The following MAN2B2 variants were observed in gnomAD, a reference collection of about 807,000 sequenced individuals.
The protein encoded by MAN2B2 is mannosidase alpha class 2B member 2.
Under a neutral mutation model 117.1 loss-of-function variants are expected in MAN2B2, and 106 were observed. The ratio of observed to expected loss-of-function variants is 0.90; its 90% CI spans 0.77 to 1.06. The LOEUF (loss-of-function observed/expected upper bound fraction) is 1.06. Ranked by LOEUF, MAN2B2 falls within the 50% of genes least tolerant of loss-of-function variation. The pLI is 0.00. For missense variants in MAN2B2, 1,326 were observed against 1,381.4 expected, an observed-to-expected ratio of 0.96 and a Z score of 0.64; for synonymous variants, 544 against 595.1, an observed-to-expected ratio of 0.91 and a Z score of 1.25.
chr4:6,600,887 C>A, intron 10 of MAN2B2, 131 bp downstream of exon 10: 1 of 1,160,288 alleles, frequency 8.6e-7, no homozygotes, highest in Non-Finnish European at 1.2e-6. Flanking sequence ...GAAACTGAGG[C>A]TCAGAGAAGC....
chr4:6,590,878 G>A (rs1208660346), intron 5 of MAN2B2, among the ~76,000 whole-genome samples: 1 of 150,912 alleles, frequency 6.6e-6, no homozygotes, highest in Non-Finnish European at 1.5e-5. Flanking sequence ...GCCAGGCGCA[G>A]TGGCTCACAC....
chr4:6,608,801 G>C (rs1157813234), intron 11 of MAN2B2, among the ~76,000 whole-genome samples: 1 of 152,162 alleles, frequency 6.6e-6, no homozygotes, highest in Non-Finnish European at 1.5e-5. Context: ...CACTGGTTTC[G>C]CTTGCAGACC....
intron 3 of MAN2B2, among the ~76,000 whole-genome samples, chr4:6,579,283 T>TCACCACCATCAC (rs1560634954): frequency 2.1e-4 from 2 of 9,506 alleles, no homozygotes; most frequent in Non-Finnish European, 4.2e-4. Flanking sequence ...ACCACCACCA[T>TCACCACCATCAC]CACCATCACC....
chr4:6,589,255 T>C, intron 5 of MAN2B2, 95 bp downstream of exon 5: 1 of 971,516 alleles, frequency 1.0e-6, no homozygotes, highest in Non-Finnish European at 1.6e-6. Flanking sequence ...TTTATTGGTT[T>C]TAAGACAAGA....
chr4:6,604,103 C>T (rs754277122), intron 10 of MAN2B2, among the ~76,000 whole-genome samples: 3 of 152,064 alleles, frequency 2.0e-5, no homozygotes, highest in Non-Finnish European at 4.4e-5. Flanking sequence ...GAGGGCACAG[C>T]GTGGCACAGG....
Position 6,619,970 on chromosome 4 carries a change from G to C in MAN2B2, c.2858G>C (p.Arg953Pro), listed in dbSNP as rs369218242. The stretch of plus-strand genomic sequence containing the variant: ...GGGTCCGTGGTGGCAGTGGAGGAGC[G>C]CTCGCTCACAGGGACCTGGGATTTG... ...ALGSVVAVEE[R>P]SLTGTWDLSM... Residue 953 changes from arginine (R) to proline (P), a missense_variant, in exon 18 of 19, where the codon CGC (arginine) becomes CCC (proline). Transcript: ENST00000285599. 42 of 1,613,794 alleles carry C rather than the reference G, an allele frequency of 2.6e-5. No homozygotes were observed. The highest frequency in any genetic ancestry group is 3.4e-5 in the Non-Finnish European group (40 of 1,179,982).
intron 5 of MAN2B2, among the ~76,000 whole-genome samples, chr4:6,592,873 A>G (rs1726908992): frequency 6.6e-6 from 1 of 152,084 alleles, no homozygotes; most frequent in African/African-American, 2.4e-5. Flanking sequence ...CATTTATCTC[A>G]ACTACTAAGA....
Position 6,587,059 on chromosome 4 carries a change from C to T in MAN2B2, c.455C>T (p.Pro152Leu), listed in dbSNP as rs759951115. 22 of 1,613,946 alleles carry T rather than the reference C, an allele frequency of 1.4e-5. No individual in the cohort carries two copies. Among genetic ancestry groups the T allele is most frequent in the South Asian group, 3.3e-5 (3 of 91,078 alleles). ...CCACAGTTCTCCTGGCACGTTGACC[C>T]GTTTGGCGCCTCTGCCACGACGCCC... Reference protein sequence around the residue: ...IRPQFSWHVDPFGASATTPTL... With the variant: ...IRPQFSWHVDLFGASATTPTL... Residue 152 changes from proline to leucine, a missense_variant, in exon 4 of 19, where the codon CCG becomes CTG. Coordinates refer to ENST00000285599, the MANE Select transcript of MAN2B2 (RefSeq NM_015274.3).
chr4:6,578,575 G>A, intron 3 of MAN2B2, 77 bp downstream of exon 3: 1 of 1,245,802 alleles, frequency 8.0e-7, no homozygotes, highest in Non-Finnish European at 1.1e-6. Flanking sequence ...GAACCCCCAG[G>A]TTCTGAGCTC....
intron 3 of MAN2B2, among the ~76,000 whole-genome samples, chr4:6,581,924 A>G (rs1726443379): frequency 6.6e-6 from 1 of 152,004 alleles, no homozygotes; most frequent in Non-Finnish European, 1.5e-5. Context: ...TGTTCCCAGC[A>G]CTGCAGTGTC....
intron 3 of MAN2B2, among the ~76,000 whole-genome samples, chr4:6,579,039 CCATCACCACCAT>C (rs1560634114): frequency 1.3e-3 from 124 of 98,768 alleles, no homozygotes; most frequent in African/African-American, 5.6e-3. Context: ...ACCACTACCA[CCATCACCACCAT>C]CACCACCACC....
At chr4:6,579,519 A>G (rs2108858473) in intron 3 of MAN2B2, among the ~76,000 whole-genome samples, 1 of 147,728 alleles carries the variant, frequency 6.8e-6, no homozygotes, top group Admixed American at 6.7e-5. Context: ...AACTACCATC[A>G]CCACCACCCT....
intron 3 of MAN2B2, among the ~76,000 whole-genome samples, chr4:6,578,872 G>A (rs958753358): frequency 6.6e-6 from 1 of 151,828 alleles, no homozygotes; most frequent in African/African-American, 2.4e-5. Flanking sequence ...ACTTTAGTAG[G>A]ATGTGGGTTC....
chr4:6,609,604 G>A lies in MAN2B2; in HGVS notation c.2007-194G>A, dbSNP rs945107769. The A allele has an allele frequency of 1.4e-4, 98 of 683,748 alleles. No homozygotes were observed. In the African/African-American group the frequency reaches 1.5e-3, roughly 11 times the overall value. 42.4% of individuals were successfully genotyped at this position (683,748 alleles called of 1,614,324 possible). On this transcript the variant is annotated intron_variant, in intron 12 of 18. Transcript: ENST00000285599. ...GGCAGGCCCGGCATGGCAGCCCTGC[G>A]GTGTCGGGGAACCAGGCTGCTCCCA... is the stretch of plus-strand genomic sequence containing the variant.
At chr4:6,604,118 G>A (rs1388285379) in intron 10 of MAN2B2, among the ~76,000 whole-genome samples, 2 of 152,236 alleles carry the variant, frequency 1.3e-5, no homozygotes, top group African/African-American at 4.8e-5. Context: ...CACAGGCTCA[G>A]AGGCAGGAAA....
At position 6,614,297 on chromosome 4, in the gene MAN2B2, C is replaced by T. The variant is rs1041067830; in HGVS notation, c.2643C>T (p.Ser881=). The T allele has an allele frequency of 1.9e-6, 3 of 1,614,148 alleles. No individual in the cohort carries two copies. The Admixed American group carries it at 5.0e-5, about 27-fold the overall frequency. ...LPPNLHLQIL[S]IPGWRYSSNH... ...CGAATCTTCACCTGCAGATCCTGAG[C>T]ATCCCTGGCTGGCGCTACAGCTCCA... The change falls in exon 16 of 19, where the codon AGC becomes AGT. Residue 881 remains serine, a synonymous_variant. Coordinates refer to ENST00000285599, the MANE Select transcript of MAN2B2 (RefSeq NM_015274.3).
At chr4:6,588,372 C>T (rs1463785888) in intron 4 of MAN2B2, among the ~76,000 whole-genome samples, 9 of 152,184 alleles carry the variant, frequency 5.9e-5, no homozygotes, top group Non-Finnish European at 1.2e-4. Flanking sequence ...GACACCCATC[C>T]TATTGTATTA....
intron 3 of MAN2B2, among the ~76,000 whole-genome samples, chr4:6,579,632 C>T (rs62287296): frequency 0.32 from 49,071 of 151,378 alleles, 9,281 homozygotes; most frequent in East Asian, 0.6. Flanking sequence ...ACCATTACTA[C>T]CACTACCATC....
intron 3 of MAN2B2, among the ~76,000 whole-genome samples, chr4:6,581,946 G>A (rs1726444002): frequency 6.6e-6 from 1 of 152,102 alleles, no homozygotes; most frequent in African/African-American, 2.4e-5. Flanking sequence ...GGGAAAGGCT[G>A]GGTGTGGGCA....
Sources: gnomAD v4.1 joint callset for allele counts (sites outside exome capture counted in the v4.1 genomes callset) on GRCh38, gnomAD v4.1.1 for gene constraint, MANE v1.5 for transcripts, NCBI Gene and HGNC (gene_info 2026-07-23, HGNC 2026-07-21) for gene names.